Variants in GALNT8 observed in about 807,000 individuals in gnomAD.
GALNT8 encodes polypeptide N-acetylgalactosaminyltransferase 8.
A neutral mutation model predicts 62.7 loss-of-function variants in GALNT8; 66 were observed. That is an observed-to-expected ratio of 1.05 (90% CI 0.86 to 1.29). GALNT8 has a LOEUF of 1.29. GALNT8 is among the 50% of genes most tolerant of loss of function. The pLI is 0.00. For missense variants in GALNT8, 771 were observed against 791.8 expected (o/e 0.97, Z 0.32); for synonymous variants, 288 against 294.3 (o/e 0.98, Z 0.22).
chr12:4,767,749 TTGTTCGTGTGAAGAAAAC>T (rs1946406083), intron 10 of GALNT8, among the ~76,000 whole-genome samples: 1 of 152,224 alleles, frequency 6.6e-6, no homozygotes, highest in Non-Finnish European at 1.5e-5. Context: ...CATATCTTTT[TTGTTCGTGTGAAGAAAAC>T]TACAACAAGT....
chr12:4,739,618 C>CGTACA (rs1946262287), intron 3 of GALNT8, among the ~76,000 whole-genome samples: 1 of 150,850 alleles, frequency 6.6e-6, no homozygotes, highest in Non-Finnish European at 1.5e-5. Flanking sequence ...AGGCCAGGAG[C>CGTACA]GTGTACCTCC....
chr12:4,767,243 G>A (rs550093575), intron 10 of GALNT8, among the ~76,000 whole-genome samples: 1 of 152,182 alleles, frequency 6.6e-6, no homozygotes, highest in South Asian at 2.1e-4. Flanking sequence ...TTGTAGCCCT[G>A]GTCTCACCAT....
At chr12:4,729,349 C>T (rs1267565560) in intron 2 of GALNT8, among the ~76,000 whole-genome samples, 4 of 152,056 alleles carry the variant, frequency 2.6e-5, no homozygotes, top group Admixed American at 1.3e-4. Flanking sequence ...GTCACCATGT[C>T]GTACAATACA....
At chr12:4,728,714 A>G (rs956430771) in intron 2 of GALNT8, among the ~76,000 whole-genome samples, 4 of 152,140 alleles carry the variant, frequency 2.6e-5, no homozygotes, top group African/African-American at 9.7e-5. Flanking sequence ...TCGTTGCTGT[A>G]TAGGCCTATC....
chr12:4,729,918 C>G (rs988798283), intron 2 of GALNT8, among the ~76,000 whole-genome samples: 4 of 152,110 alleles, frequency 2.6e-5, no homozygotes, highest in African/African-American at 7.2e-5. Context: ...AGTAGCCATT[C>G]TAACAAGGGT....
chr12:4,752,780 A>T (rs1484789106), intron 6 of GALNT8, among the ~76,000 whole-genome samples: 2 of 152,188 alleles, frequency 1.3e-5, no homozygotes. Context: ...TTATCCCTAT[A>T]GATGATTACT....
At chr12:4,737,367 T>C (rs1488269589) in intron 2 of GALNT8, among the ~76,000 whole-genome samples, 5 of 152,082 alleles carry the variant, frequency 3.3e-5, no homozygotes, top group Non-Finnish European at 5.9e-5. Context: ...AATTAAACAC[T>C]CCAGGAAGAC....
Position 4,743,520 on chromosome 12 carries a change from A to G in GALNT8, c.677-997A>G, listed in dbSNP as rs1946281376. Among the ~76,000 whole-genome samples, 4 of 152,214 alleles carry G rather than the reference A, an allele frequency of 2.6e-5. No homozygotes were observed. In the South Asian group the frequency reaches 8.3e-4, roughly 31 times the overall value. Reference sequence around the variant, plus strand: ...TCGTCTTTTGAGAGAGGAACTGGCAAGAATCTCGTTCCTTGGCTATGGGGA... The same window carrying G: ...TCGTCTTTTGAGAGAGGAACTGGCAGGAATCTCGTTCCTTGGCTATGGGGA... On this transcript the variant is annotated intron_variant, in intron 3 of 10. Transcript: ENST00000252318.
At chr12:4,725,352 C>T (rs1946189882) in intron 1 of GALNT8, among the ~76,000 whole-genome samples, 1 of 152,124 alleles carries the variant, frequency 6.6e-6, no homozygotes, top group Non-Finnish European at 1.5e-5. Context: ...GCATCTTCTG[C>T]ATAAAACATC....
intron 10 of GALNT8, among the ~76,000 whole-genome samples, chr12:4,767,604 G>A (rs1473819890): frequency 6.6e-6 from 1 of 152,188 alleles, no homozygotes; most frequent in Non-Finnish European, 1.5e-5. Flanking sequence ...AGGCCTTACA[G>A]CTTCAGGTTT....
In GALNT8 at chr12:4,761,618, T is replaced by TG. The variant is rs1946373255; in HGVS notation, c.1359+475_1359+476insG. On this transcript the variant is annotated intron_variant, in intron 7 of 10. Coordinates refer to ENST00000252318, the MANE Select transcript of GALNT8 (RefSeq NM_017417.2). The stretch of plus-strand genomic sequence containing the variant: ...AATGAGGATAGCATTCTTTTTTAAG[T>TG]TTTTTTTTTGGTACAGATAGGGTCT... 6.2e-5 allele frequency among the ~76,000 whole-genome samples: 3 copies of TG among 48,244 alleles called. No homozygotes were observed. In the Admixed American group the frequency reaches 8.4e-4, roughly 14 times the overall value. The allele number at this position is 48,244 out of a possible 152,430, so 31.6% of individuals were successfully genotyped here.
intron 3 of GALNT8, 71 bp from the exon 4 acceptor site, chr12:4,744,446 A>G: frequency 9.6e-7 from 1 of 1,043,918 alleles, no homozygotes; most frequent in Non-Finnish European, 1.4e-6. Flanking sequence ...CTAATATATG[A>G]TAGTATAAAA....
intron 6 of GALNT8, among the ~76,000 whole-genome samples, chr12:4,750,146 C>T (rs1489811503): frequency 1.3e-5 from 2 of 151,844 alleles, no homozygotes; most frequent in African/African-American, 4.8e-5. Context: ...ATTTCAATTT[C>T]ATTTATTTCT....
In GALNT8 at chr12:4,720,577, G is replaced by C; in HGVS notation, c.-101G>C. ...GGGAGACCAACTCAACTGGCACCTA[G>C]AACTCTCTTTCCCACAAAAGCTAGG... On this transcript the variant is annotated 5_prime_UTR_variant, in exon 1 of 11. Coordinates refer to ENST00000252318, the MANE Select transcript of GALNT8 (RefSeq NM_017417.2). 1 of 820,250 alleles carries C rather than the reference G, an allele frequency of 1.2e-6. No individual in the cohort carries two copies. The highest frequency in any genetic ancestry group is 2.1e-6 in the Non-Finnish European group (1 of 474,808). The allele number at this position is 820,250 out of a possible 1,614,324, so 50.8% of individuals were successfully genotyped here.
intron 1 of GALNT8, among the ~76,000 whole-genome samples, chr12:4,725,028 C>T (rs1946188496): frequency 6.6e-6 from 1 of 152,214 alleles, no homozygotes; most frequent in South Asian, 2.1e-4. Context: ...ATGCCTTCTT[C>T]TAACTTGTAG....
intron 2 of GALNT8, among the ~76,000 whole-genome samples, chr12:4,730,739 A>G (rs1946217981): frequency 6.6e-6 from 1 of 151,988 alleles, no homozygotes; most frequent in Non-Finnish European, 1.5e-5. Flanking sequence ...TGTTTTTTCT[A>G]TCTGTAAAAA....
chr12:4,739,618 C>T (rs1057337124), intron 3 of GALNT8, among the ~76,000 whole-genome samples: 1 of 150,850 alleles, frequency 6.6e-6, no homozygotes, highest in Non-Finnish European at 1.5e-5. Flanking sequence ...AGGCCAGGAG[C>T]GTGTACCTCC....
rs527347091 is a variant in GALNT8, at chr12:4,726,453, T to G, written c.212-79T>G. ...TAGTGGGTAAACCGTTAGAGGAAAT[T>G]AGGATGGAAAGGAATACCCAGGTAA... On this transcript the variant is annotated intron_variant, in intron 1 of 10. Coordinates refer to ENST00000252318, the MANE Select transcript of GALNT8 (RefSeq NM_017417.2). This position sits in a 1 kb window ranked among gnomAD's most constrained non-coding sequence, Gnocchi z 4.1. The G allele has an allele frequency of 1.0e-6, 1 of 961,156 alleles. No homozygotes were observed. The highest frequency in any genetic ancestry group is 1.6e-6 in the Non-Finnish European group (1 of 631,648). The allele number at this position is 961,156 out of a possible 1,614,324, so 59.5% of individuals were successfully genotyped here. A position where few individuals can be genotyped will look rare whatever the true frequency, so the allele number is the denominator to read the frequency against.
At chr12:4,738,504 C>G (rs997217331) in intron 2 of GALNT8, among the ~76,000 whole-genome samples, 1 of 152,080 alleles carries the variant, frequency 6.6e-6, no homozygotes, top group Non-Finnish European at 1.5e-5. Flanking sequence ...AAAATATTTG[C>G]AAACCATACA....
Sources: allele counts gnomAD v4.1 joint callset (sites outside exome capture counted in the v4.1 genomes callset), GRCh38; gene constraint gnomAD v4.1.1; non-coding constraint Gnocchi (gnomAD v3.1); transcripts MANE v1.5; gene names NCBI Gene and HGNC (gene_info 2026-07-23, HGNC 2026-07-21).